ADAMTS16: variants seen among roughly 807,000 people sequenced by gnomAD.
ADAMTS16 encodes the protein ADAM metallopeptidase with thrombospondin type 1 motif 16.
In ADAMTS16, 94 loss-of-function variants were observed where a neutral mutation model predicts 145.8. The observed-to-expected ratio is 0.64, with a 90% CI of 0.55 to 0.77. The LOEUF (loss-of-function observed/expected upper bound fraction) is 0.77, where lower values mean the gene tolerates loss of function less well. Among genes scored for constraint, ADAMTS16 ranks in the 30% least tolerant of loss-of-function variants. ADAMTS16 has a pLI of 0.00. For missense variants in ADAMTS16, 1,585 were observed against 1,591.5 expected (o/e 1.00, Z 0.07); for synonymous variants, 659 against 604.3 (o/e 1.09, Z -1.33).
At chr5:5,264,785 A>AGTCAGAC (rs1275782371) in intron 18 of ADAMTS16, among the ~76,000 whole-genome samples, 5 of 111,620 alleles carry the variant, frequency 4.5e-5, no homozygotes, top group Non-Finnish European at 2.0e-5. Flanking sequence ...TCAAGAGAGA[A>AGTCAGAC]TTTACACAAG....
intron 8 of ADAMTS16, among the ~76,000 whole-genome samples, chr5:5,198,693 A>G (rs1466252015): frequency 6.6e-6 from 1 of 152,224 alleles, no homozygotes; most frequent in Non-Finnish European, 1.5e-5. Context: ...GTTAATTACT[A>G]TATTTACTAG....
chr5:5,213,070 G>T (rs34067677), intron 10 of ADAMTS16, among the ~76,000 whole-genome samples: 463 of 152,254 alleles, frequency 3.0e-3, no homozygotes, highest in Middle Eastern at 0.027. Context: ...ATAAATCCAT[G>T]CATCCCTCTT....
chr5:5,249,941 T>C (rs1389306662), intron 17 of ADAMTS16, among the ~76,000 whole-genome samples: 1 of 152,148 alleles, frequency 6.6e-6, no homozygotes, highest in South Asian at 2.1e-4. Context: ...GGAGTCTGGC[T>C]GTCCCCAGCC....
intron 17 of ADAMTS16, among the ~76,000 whole-genome samples, chr5:5,252,948 C>T (rs1290641213): frequency 6.6e-6 from 1 of 152,210 alleles, no homozygotes; most frequent in Admixed American, 6.5e-5. Flanking sequence ...CCATTATCCA[C>T]ATTTCTTATC....
rs1736641093 is a variant in ADAMTS16, at chr5:5,222,686, A to G, written c.1606-103A>G. ...TTGCTAAGTAGGCATTCGCTTGTAAATTATATCTGTTGTTTTCACCTTAAA... is the reference window on the plus strand; with the variant it reads ...TTGCTAAGTAGGCATTCGCTTGTAAGTTATATCTGTTGTTTTCACCTTAAA... On this transcript the variant is annotated intron_variant, in intron 10 of 22. Transcript: ENST00000274181. 3.1e-6 allele frequency: 3 copies of G among 960,902 alleles called. No homozygotes were observed. The Admixed American group carries it at 5.9e-5, about 19-fold the overall frequency. 59.5% of individuals were successfully genotyped at this position (960,902 alleles called of 1,614,324 possible). A position where few individuals can be genotyped will look rare whatever the true frequency, so the allele number is the denominator to read the frequency against.
chr5:5,229,920 A>G (rs1215996382), intron 11 of ADAMTS16, among the ~76,000 whole-genome samples: 1 of 152,216 alleles, frequency 6.6e-6, no homozygotes, highest in African/African-American at 2.4e-5. Flanking sequence ...ATTAGGTGGG[A>G]AGCTGATGGG....
chr5:5,290,390 C>T (rs974569534), intron 18 of ADAMTS16, among the ~76,000 whole-genome samples: 4 of 152,212 alleles, frequency 2.6e-5, no homozygotes, highest in Non-Finnish European at 5.9e-5. Context: ...CGTGGTGGCT[C>T]ATGCGTGTAA....
Position 5,140,728 on chromosome 5 carries a change from C to G in ADAMTS16, c.137C>G (p.Pro46Arg). 6.4e-7 allele frequency: 1 copy of G among 1,570,522 alleles called. No homozygotes were observed. The highest frequency in any genetic ancestry group is 8.6e-7 in the Non-Finnish European group (1 of 1,159,540). Reference sequence around the variant, plus strand: ...GGGAGCCCGAGCGTCCCGCGTCCTCCTCCACCCGCGGAGCGGCCGGGCTGG... The same window carrying G: ...GGGAGCCCGAGCGTCCCGCGTCCTCGTCCACCCGCGGAGCGGCCGGGCTGG... ...APGSPSVPRPPPPAERPGWME... is the reference protein window; with the variant it reads ...APGSPSVPRPRPPAERPGWME... Residue 46 changes from proline to arginine, a missense_variant, in exon 2 of 23, where the codon CCT (proline) becomes CGT (arginine). By Grantham distance (103) the Pro-to-Arg change is moderately radical. This residue lies in a region of ADAMTS16 where 453 missense variants were observed against 412.1 expected (regional missense o/e 1.10). Coordinates refer to ENST00000274181, the MANE Select transcript of ADAMTS16 (RefSeq NM_139056.4).
chr5:5,308,156 T>G (rs569623048), intron 21 of ADAMTS16, among the ~76,000 whole-genome samples: 2 of 152,342 alleles, frequency 1.3e-5, no homozygotes, highest in African/African-American at 4.8e-5. Context: ...CACCAAAGCC[T>G]TTCCCGCATC....
chr5:5,258,770 C>T (rs1022772967), intron 17 of ADAMTS16, among the ~76,000 whole-genome samples: 5 of 151,978 alleles, frequency 3.3e-5, no homozygotes, highest in African/African-American at 1.2e-4. Flanking sequence ...AGAGCTGAAA[C>T]ACAGAAAAAA....
At chr5:5,150,435 G>A (rs868202211) in intron 3 of ADAMTS16, among the ~76,000 whole-genome samples, 3 of 152,172 alleles carry the variant, frequency 2.0e-5, no homozygotes, top group Admixed American at 1.3e-4. Flanking sequence ...ATCACGGGCC[G>A]GTGCACAAGG....
intron 21 of ADAMTS16, among the ~76,000 whole-genome samples, chr5:5,315,702 A>G (rs1561008065): frequency 6.6e-6 from 1 of 152,198 alleles, no homozygotes; most frequent in Non-Finnish European, 1.5e-5. Flanking sequence ...GACAGCAGAG[A>G]AAAAAGGCAG....
intron 5 of ADAMTS16, among the ~76,000 whole-genome samples, chr5:5,186,624 T>C (rs1198689123): frequency 2.0e-5 from 3 of 152,206 alleles, no homozygotes; most frequent in Non-Finnish European, 4.4e-5. Context: ...GATGGCTCTA[T>C]AGAAATGCCC....
At chr5:5,312,897 G>A (rs1740515721) in intron 21 of ADAMTS16, among the ~76,000 whole-genome samples, 2 of 152,206 alleles carry the variant, frequency 1.3e-5, no homozygotes, top group South Asian at 4.1e-4. Context: ...CAGGGACAAA[G>A]AGGAAACTGA....
chr5:5,158,997 C>T (rs1252621305), intron 3 of ADAMTS16, among the ~76,000 whole-genome samples: 2 of 152,240 alleles, frequency 1.3e-5, no homozygotes, highest in African/African-American at 2.4e-5. Flanking sequence ...ACACCCAAAG[C>T]CGAAAGGCTG....
rs1279675056 is a variant in ADAMTS16, at chr5:5,222,806, G to A, written c.1623G>A (p.Leu541=). ...TTCTTTAGGACATCTGTAAAGCCCT[G>A]TGGTGCCATCGTATTGGAAGGAAAT... is the stretch of plus-strand genomic sequence containing the variant. The part of the protein sequence containing the change: ...LDFKKDICKA[L]WCHRIGRKCE... Residue 541 remains leucine (L), a synonymous_variant, in exon 11 of 23, where the codon CTG becomes CTA. Coordinates refer to ENST00000274181, the MANE Select transcript of ADAMTS16 (RefSeq NM_139056.4). 1.2e-6 allele frequency: 2 copies of A among 1,613,970 alleles called. No individual in the cohort carries two copies. The highest frequency in any genetic ancestry group is 1.7e-5 in the Admixed American group (1 of 59,982).
chr5:5,207,342 G>A (rs1230897347), intron 9 of ADAMTS16, among the ~76,000 whole-genome samples: 3 of 151,716 alleles, frequency 2.0e-5, no homozygotes, highest in South Asian at 4.2e-4. Context: ...ATTCTGTTTG[G>A]TTGTCACTGG....
At position 5,140,357 on chromosome 5, in the gene ADAMTS16, T is replaced by C; in HGVS notation, c.-111T>C. Reference sequence around the variant, plus strand: ...TAATAACCCCGGCGCGGCGGCGGAGTCGCTGTGGGGAATCCTCCCGCGCTC... The same window carrying C: ...TAATAACCCCGGCGCGGCGGCGGAGCCGCTGTGGGGAATCCTCCCGCGCTC... On this transcript the variant is annotated 5_prime_UTR_variant, in exon 1 of 23. Transcript: ENST00000274181. 9.1e-7 allele frequency: 1 copy of C among 1,093,364 alleles called. No homozygotes were observed. Among genetic ancestry groups the C allele is most frequent in the Non-Finnish European group, 1.2e-6 (1 of 819,424 alleles). 67.7% of individuals were successfully genotyped at this position (1,093,364 alleles called of 1,614,324 possible). A position where few individuals can be genotyped will look rare whatever the true frequency, so the allele number is the denominator to read the frequency against.
intron 17 of ADAMTS16, among the ~76,000 whole-genome samples, chr5:5,261,419 C>T (rs58737303): frequency 0.17 from 26,221 of 151,798 alleles, 2,486 homozygotes; most frequent in Admixed American, 0.22. Flanking sequence ...ATTACAAGTG[C>T]GAGCCACCAT....
Sources: gnomAD v4.1 joint callset for allele counts (sites outside exome capture counted in the v4.1 genomes callset) on GRCh38, gnomAD v4.1.1 for gene constraint, gnomAD v4.1.1 regional missense constraint, MANE v1.5 for transcripts, NCBI Gene and HGNC (gene_info 2026-07-23, HGNC 2026-07-21) for gene names.